The following MXRA7 variants were observed in gnomAD, a reference collection of about 807,000 sequenced individuals.
MXRA7 encodes matrix-remodeling-associated protein 7.
A neutral mutation model predicts 17.4 loss-of-function variants in MXRA7; 18 were observed. The observed-to-expected ratio is 1.03, with a 90% CI of 0.71 to 1.53. MXRA7 has a LOEUF of 1.53. Among genes scored for constraint, MXRA7 ranks in the 40% most tolerant of loss-of-function variants. The probability of loss-of-function intolerance (pLI) is 0.00; values close to 1 mark genes in which losing one functional copy is unlikely to be tolerated. For missense variants in MXRA7, 141 were observed against 209.3 expected, an observed-to-expected ratio of 0.67 and a Z score of 2.01; for synonymous variants, 70 against 101.7, an observed-to-expected ratio of 0.69 and a Z score of 1.87.
intron 3 of MXRA7, among the ~76,000 whole-genome samples, chr17:76,683,431 C>CATTTGAT (rs1401411257): frequency 6.6e-6 from 1 of 152,242 alleles, no homozygotes; most frequent in East Asian, 1.9e-4. Context: ...AGCTTGGGAG[C>CATTTGAT]ACGGACCGTT....
chr17:76,692,388 G>C (rs1472005023), intron 1 of MXRA7, among the ~76,000 whole-genome samples: 1 of 151,824 alleles, frequency 6.6e-6, no homozygotes, highest in East Asian at 1.9e-4. Context: ...CGAGTAGCTG[G>C]GACTATGGGC....
chr17:76,672,799 C>T (rs1386285986), exon 4 of MXRA7: 1 of 152,040 alleles, frequency 6.6e-6, no homozygotes, highest in Admixed American at 6.5e-5. Flanking sequence ...AGCACTGAAA[C>T]GATAAAACCA....
chr17:76,695,383 G>A (rs895138999), intron 1 of MXRA7, among the ~76,000 whole-genome samples: 7 of 72,394 alleles, frequency 9.7e-5, no homozygotes, highest in East Asian at 3.9e-4. Flanking sequence ...TGTGTGCAAC[G>A]GGATGGGAAG....
At position 76,696,578 on chromosome 17, in the gene MXRA7, A is replaced by C. The variant is rs183270627; in HGVS notation, c.343-8402T>G. ...TGTCAATACAAATTTTTTAAACGAA[A>C]AAAATAAACACGGACAAACAGAGTG... is the stretch of plus-strand genomic sequence containing the variant. On this transcript the variant is annotated intron_variant, in intron 1 of 3. Coordinates refer to ENST00000449428, the MANE Select transcript of MXRA7 (RefSeq NM_198530.4). 9.7e-3 allele frequency among the ~76,000 whole-genome samples: 1,475 copies of C among 152,004 alleles called. 16 individuals carry two copies. Among genetic ancestry groups the C allele is most frequent in the South Asian group, 0.033 (160 of 4,806 alleles).
intron 1 of MXRA7, among the ~76,000 whole-genome samples, chr17:76,706,778 A>C (rs372759317): frequency 6.6e-6 from 1 of 152,358 alleles, no homozygotes. Context: ...TTTCCCAAAG[A>C]AGAATGTTGG....
intron 1 of MXRA7, among the ~76,000 whole-genome samples, chr17:76,706,432 ACCACAC>A (rs1567991130): frequency 7.3e-6 from 1 of 136,514 alleles, no homozygotes; most frequent in African/African-American, 3.0e-5. Context: ...ATCACAAAGG[ACCACAC>A]TGCCATCAAA....
At chr17:76,707,945 T>G (rs990874169) in intron 1 of MXRA7, among the ~76,000 whole-genome samples, 1 of 152,146 alleles carries the variant, frequency 6.6e-6, no homozygotes, top group Non-Finnish European at 1.5e-5. Context: ...TGCTAATCCT[T>G]AGGAGAGAAA....
At chr17:76,690,736 C>T (rs2076471504) in intron 1 of MXRA7, among the ~76,000 whole-genome samples, 1 of 152,142 alleles carries the variant, frequency 6.6e-6, no homozygotes, top group African/African-American at 2.4e-5. Flanking sequence ...GAGACAGGAT[C>T]TTGCTCTGTT....
chr17:76,698,818 G>A (rs1488276696), intron 1 of MXRA7, among the ~76,000 whole-genome samples: 1 of 143,594 alleles, frequency 7.0e-6, no homozygotes, highest in Non-Finnish European at 1.5e-5. Flanking sequence ...CGCCTCCCGG[G>A]TTCAAGAGAT....
At chr17:76,695,492 C>T (rs1436314734) in intron 1 of MXRA7, among the ~76,000 whole-genome samples, 16 of 152,182 alleles carry the variant, frequency 1.1e-4, no homozygotes, top group Admixed American at 1.0e-3. Context: ...GTGCCTCCCT[C>T]ATAGCACGCC....
downstream of MXRA7, chr17:76,677,385 A>T: frequency 2.0e-6 from 1 of 509,224 alleles, no homozygotes; most frequent in Non-Finnish European, 3.5e-6. Context: ...GGGGTCAGGG[A>T]CTTTGTCTTC....
At chr17:76,707,886 C>G (rs768444297) in intron 1 of MXRA7, among the ~76,000 whole-genome samples, 14 of 152,216 alleles carry the variant, frequency 9.2e-5, no homozygotes, top group African/African-American at 1.2e-4. Flanking sequence ...GCTCATGATT[C>G]TTTGCGTGAA....
rs1427584287 is a variant in MXRA7 at position 76,710,587 on chromosome 17, G to C, written c.342+18C>G. The stretch of plus-strand genomic sequence containing the variant: ...GCCCCGGGGGTGGGGAGGGGGCCGC[G>C]AGGGCCCCGGTGCGTACCTGCCTCG... On this transcript the variant is annotated intron_variant, in intron 1 of 3. Transcript: ENST00000449428. 12 of 1,300,102 alleles carry C rather than the reference G, an allele frequency of 9.2e-6. No homozygotes were observed. The highest frequency in any genetic ancestry group is 1.2e-5 in the Non-Finnish European group (12 of 1,023,996). The allele number at this position is 1,300,102 out of a possible 1,614,324, so 80.5% of individuals were successfully genotyped here. A position where few individuals can be genotyped will look rare whatever the true frequency, so the allele number is the denominator to read the frequency against.
At chr17:76,706,080 A>ACTGCCATCACAAAGGCCCACG (rs1567990547) in intron 1 of MXRA7, among the ~76,000 whole-genome samples, 19 of 148,976 alleles carry the variant, frequency 1.3e-4, no homozygotes, top group African/African-American at 3.5e-4. Flanking sequence ...AGAGGACCAC[A>ACTGCCATCACAAAGGCCCACG]CTGCCATCAC....
At chr17:76,709,681 A>T (rs1372368920) in intron 1 of MXRA7, 1 of 152,818 alleles carries the variant, frequency 6.5e-6, no homozygotes, top group Non-Finnish European at 1.5e-5. Context: ...GGTAAGAACA[A>T]GGGATTACAA....
At chr17:76,697,932 G>C (rs60837241) in intron 1 of MXRA7, among the ~76,000 whole-genome samples, 3 of 151,738 alleles carry the variant, frequency 2.0e-5, no homozygotes, top group African/African-American at 4.9e-5. Flanking sequence ...TAGATAAGGC[G>C]GGGGGAGGGG....
chr17:76,680,650 A>G lies in MXRA7; in HGVS notation c.*217T>C. The G allele has an allele frequency of 1.5e-6, 2 of 1,361,104 alleles. No homozygotes were observed. Among genetic ancestry groups the G allele is most frequent in the South Asian group, 1.9e-5 (1 of 51,426 alleles). 84.3% of individuals were successfully genotyped at this position (1,361,104 alleles called of 1,614,324 possible). ...AACAAAGTGACCCACAGGAACAGACATGAACATCTCTACACAGGGCAGGGC... is the reference window on the plus strand; with the variant it reads ...AACAAAGTGACCCACAGGAACAGACGTGAACATCTCTACACAGGGCAGGGC... On this transcript the variant is annotated 3_prime_UTR_variant, in exon 4 of 4. Transcript: ENST00000449428.
downstream of MXRA7, chr17:76,677,254 T>A: frequency 2.2e-5 from 4 of 185,756 alleles, no homozygotes; most frequent in Non-Finnish European, 3.4e-5. Context: ...ATCACGCCAC[T>A]GCACTCCAGC....
intron 2 of MXRA7, among the ~76,000 whole-genome samples, chr17:76,685,703 C>T (rs934971618): frequency 2.0e-5 from 3 of 152,208 alleles, no homozygotes; most frequent in Non-Finnish European, 2.9e-5. Flanking sequence ...TTGCCAGTCC[C>T]CGAGGGGAGA....
Sources: gnomAD v4.1 joint callset for allele counts (sites outside exome capture counted in the v4.1 genomes callset) on GRCh38, gnomAD v4.1.1 for gene constraint, MANE v1.5 for transcripts, NCBI Gene and HGNC (gene_info 2026-07-23, HGNC 2026-07-21) for gene names.